GALNT18: variants seen among roughly 807,000 people sequenced by gnomAD.
The protein encoded by GALNT18 is polypeptide N-acetylgalactosaminyltransferase 18.
In GALNT18, 44 loss-of-function variants were observed where a neutral mutation model predicts 69.5. The observed-to-expected ratio is 0.63, with a 90% CI of 0.50 to 0.81. The LOEUF is 0.81. Among genes scored for constraint, GALNT18 ranks in the 40% least tolerant of loss-of-function variants. GALNT18 has a pLI of 0.00. For missense variants in GALNT18, 715 were observed against 810.0 expected, an observed-to-expected ratio of 0.88 and a Z score of 1.42; for synonymous variants, 364 against 318.2, an observed-to-expected ratio of 1.14 and a Z score of -1.53.
chr11:11,291,755 T>C (rs1022076528), intron 10 of GALNT18, among the ~76,000 whole-genome samples: 2 of 152,206 alleles, frequency 1.3e-5, no homozygotes, highest in African/African-American at 2.4e-5. Flanking sequence ...TTTAGGCTCT[T>C]GGTTCTGCTT....
At chr11:11,611,373 G>A (rs1053338997) in intron 1 of GALNT18, among the ~76,000 whole-genome samples, 1 of 152,208 alleles carries the variant, frequency 6.6e-6, no homozygotes, top group Non-Finnish European at 1.5e-5. Context: ...AGAGGAGGCA[G>A]CCTGTGTGGG....
chr11:11,375,781 A>G (rs1165194733), intron 5 of GALNT18, among the ~76,000 whole-genome samples: 1 of 152,220 alleles, frequency 6.6e-6, no homozygotes, highest in Non-Finnish European at 1.5e-5. Context: ...GTTTAACAAC[A>G]CAAAATTGTG....
At chr11:11,276,047 A>G (rs757443035) in intron 10 of GALNT18, among the ~76,000 whole-genome samples, 1 of 152,188 alleles carries the variant, frequency 6.6e-6, no homozygotes. Context: ...ACTTTAAAGT[A>G]GTTTTCTCTA....
chr11:11,569,725 T>C (rs1202786961), intron 1 of GALNT18, among the ~76,000 whole-genome samples: 1 of 152,072 alleles, frequency 6.6e-6, no homozygotes, highest in African/African-American at 2.4e-5. Context: ...GCACTAACCA[T>C]GGGACCCCAG....
intron 9 of GALNT18, among the ~76,000 whole-genome samples, chr11:11,325,671 AC>A (rs1262257599): frequency 6.6e-6 from 1 of 152,210 alleles, no homozygotes; most frequent in Non-Finnish European, 1.5e-5. Context: ...ATTAAGCTGT[AC>A]ACTTACAATT....
At position 11,496,310 on chromosome 11, in the gene GALNT18, A is replaced by C. The variant is rs149194374; in HGVS notation, c.236-47374T>G. Among the ~76,000 whole-genome samples, 1 of 152,188 alleles carries C rather than the reference A, an allele frequency of 6.6e-6. No individual in the cohort carries two copies. The highest frequency in any genetic ancestry group is 1.5e-5 in the Non-Finnish European group (1 of 67,990). Reference sequence around the variant, plus strand: ...CTTCTGTGGTTCACCTATCACCAAAAACCCTAGCATCAGCAACACTCCACA... The same window carrying C: ...CTTCTGTGGTTCACCTATCACCAAACACCCTAGCATCAGCAACACTCCACA... On this transcript the variant is annotated intron_variant, in intron 1 of 10. Coordinates refer to ENST00000227756, the MANE Select transcript of GALNT18 (RefSeq NM_198516.3). This position sits in a 1 kb window ranked among gnomAD's most constrained non-coding sequence, Gnocchi z 4.0.
intron 3 of GALNT18, among the ~76,000 whole-genome samples, chr11:11,428,715 A>G (rs1233890498): frequency 6.6e-6 from 1 of 152,206 alleles, no homozygotes; most frequent in Non-Finnish European, 1.5e-5. Flanking sequence ...AAGCCCTCCA[A>G]GTGATTCTAA....
chr11:11,484,855 A>T lies in GALNT18; in HGVS notation c.236-35919T>A, dbSNP rs7113622. Among the ~76,000 whole-genome samples the T allele has an allele frequency of 3.1e-3, 466 of 152,208 alleles. 2 individuals carry two copies. Among genetic ancestry groups the T allele is most frequent in the African/African-American group, 0.011 (451 of 41,546 alleles). ...CCCCAAGGAGTGGAGCCCACAAATC[A>T]GTGCACTGAGACTAAAAGAAGAGGC... On this transcript the variant is annotated intron_variant, in intron 1 of 10. Transcript: ENST00000227756.
chr11:11,500,368 A>G lies in GALNT18; in HGVS notation c.236-51432T>C, dbSNP rs560797852. Among the ~76,000 whole-genome samples the G allele has an allele frequency of 6.6e-6, 1 of 152,326 alleles. No homozygotes were observed. Among genetic ancestry groups the G allele is most frequent in the African/African-American group, 2.4e-5 (1 of 41,572 alleles). ...TTGAGTGGCTTTAGGTACATGTCTG[A>G]ACCTTTCTGAGGCTTCATTTCCTCA... On this transcript the variant is annotated intron_variant, in intron 1 of 10. Transcript: ENST00000227756. This position sits in a 1 kb window ranked among gnomAD's most constrained non-coding sequence, Gnocchi z 5.0.
intron 3 of GALNT18, among the ~76,000 whole-genome samples, chr11:11,380,330 C>G (rs1200840113): frequency 6.6e-6 from 1 of 152,246 alleles, no homozygotes; most frequent in African/African-American, 2.4e-5. Context: ...AAGGACTTCT[C>G]TAGGTCAAAT....
rs543642990 is a variant in GALNT18 at position 11,438,570 on chromosome 11, G to A, written c.429-5783C>T. On this transcript the variant is annotated intron_variant, in intron 2 of 10. Coordinates refer to ENST00000227756, the MANE Select transcript of GALNT18 (RefSeq NM_198516.3). ...TTTAACAGTTGAGGGAAATAGAGTC[G>A]AGATGGTAAGTTATCTTCCAGGGTT... Among the ~76,000 whole-genome samples, 3 of 152,236 alleles carry A rather than the reference G, an allele frequency of 2.0e-5. No individual in the cohort carries two copies. In the South Asian group the frequency reaches 6.2e-4, roughly 32 times the overall value.
intron 6 of GALNT18, among the ~76,000 whole-genome samples, chr11:11,370,330 G>A (rs1235045423): frequency 6.6e-6 from 1 of 152,134 alleles, no homozygotes; most frequent in Non-Finnish European, 1.5e-5. Flanking sequence ...AGAGGAAACT[G>A]AACCATTGAA....
At chr11:11,291,907 T>C (rs1481559111) in intron 10 of GALNT18, among the ~76,000 whole-genome samples, 3 of 152,152 alleles carry the variant, frequency 2.0e-5, no homozygotes, top group Admixed American at 2.0e-4. Flanking sequence ...CCTATGCCCA[T>C]ACAATATGAT....
chr11:11,455,183 A>G (rs1855899255), intron 1 of GALNT18, among the ~76,000 whole-genome samples: 1 of 152,168 alleles, frequency 6.6e-6, no homozygotes, highest in Admixed American at 6.5e-5. Flanking sequence ...AGCAACAAAT[A>G]TTTCAGCAAG....
chr11:11,342,580 G>A (rs1254519698), intron 6 of GALNT18, among the ~76,000 whole-genome samples: 5 of 152,224 alleles, frequency 3.3e-5, no homozygotes, highest in African/African-American at 1.2e-4. Flanking sequence ...TTGGAAGGTG[G>A]CTTACTGATT....
chr11:11,611,234 T>C (rs1859892609), intron 1 of GALNT18, among the ~76,000 whole-genome samples: 1 of 152,258 alleles, frequency 6.6e-6, no homozygotes, highest in South Asian at 2.1e-4. Context: ...AAACAGCTGC[T>C]GATGTTTTGT....
chr11:11,445,835 T>C (rs1855637992), intron 2 of GALNT18, among the ~76,000 whole-genome samples: 1 of 152,206 alleles, frequency 6.6e-6, no homozygotes, highest in Admixed American at 6.5e-5. Context: ...TGTAAAGTTC[T>C]GTGCAGAGGG....
At chr11:11,577,455 T>G (rs949327401) in intron 1 of GALNT18, among the ~76,000 whole-genome samples, 13 of 152,278 alleles carry the variant, frequency 8.5e-5, no homozygotes, top group African/African-American at 2.6e-4. Flanking sequence ...GAGTCACCAC[T>G]GTGTGCCAGA....
intron 2 of GALNT18, among the ~76,000 whole-genome samples, chr11:11,433,481 A>C (rs1223445473): frequency 6.6e-6 from 1 of 152,050 alleles, no homozygotes; most frequent in African/African-American, 2.4e-5. Context: ...CAGAATCCCA[A>C]CTCTGGTCCT....
Sources: allele counts gnomAD v4.1 joint callset (sites outside exome capture counted in the v4.1 genomes callset), GRCh38; gene constraint gnomAD v4.1.1; non-coding constraint Gnocchi (gnomAD v3.1); transcripts MANE v1.5; gene names NCBI Gene and HGNC (gene_info 2026-07-23, HGNC 2026-07-21).